Variants in LMO7 observed in about 807,000 individuals in gnomAD.
LMO7 encodes the protein LIM domain 7, also known as LIM domain only protein 7.
LMO7 carries 120 observed loss-of-function variants against 206.5 expected under a neutral mutation model. The ratio of observed to expected loss-of-function variants is 0.58; its 90% CI spans 0.50 to 0.68. The LOEUF (loss-of-function observed/expected upper bound fraction) is 0.68, where lower values mean the gene tolerates loss of function less well. LMO7 is among the 30% of genes least tolerant of loss of function. The pLI, the probability that LMO7 is intolerant of heterozygous loss-of-function variation, is 0.00. For synonymous variants in LMO7, 706 were observed against 681.5 expected, an observed-to-expected ratio of 1.04 and a Z score of -0.56; for missense variants, 1,959 against 1,957.9, an observed-to-expected ratio of 1.00 and a Z score of -0.01.
chr13:75,851,432 G>A (rs1334162954), intron 27 of LMO7, among the ~76,000 whole-genome samples: 1 of 152,204 alleles, frequency 6.6e-6, no homozygotes, highest in Non-Finnish European at 1.5e-5. Context: ...GGACACACAA[G>A]TAATGGTGGA....
intron 1 of LMO7, among the ~76,000 whole-genome samples, chr13:75,639,893 A>G (rs2036351463): frequency 6.6e-6 from 1 of 152,054 alleles, no homozygotes; most frequent in African/African-American, 2.4e-5. Flanking sequence ...TTTTTTCAGT[A>G]TTGCTGTCAC....
intron 3 of LMO7, among the ~76,000 whole-genome samples, chr13:75,753,917 G>C (rs1461382991): frequency 6.6e-6 from 1 of 152,106 alleles, no homozygotes; most frequent in African/African-American, 2.4e-5. Flanking sequence ...AAAATAATTT[G>C]AGACAGGTAC....
At chr13:75,652,474 G>A (rs2037674604) in intron 1 of LMO7, among the ~76,000 whole-genome samples, 1 of 152,106 alleles carries the variant, frequency 6.6e-6, no homozygotes, top group Admixed American at 6.6e-5. Context: ...CCAAAAGTTT[G>A]TGCAATGTTT....
At chr13:75,679,725 G>T (rs908048086) in intron 1 of LMO7, among the ~76,000 whole-genome samples, 4 of 152,128 alleles carry the variant, frequency 2.6e-5, no homozygotes, top group Non-Finnish European at 5.9e-5. Context: ...GGGACTGTAG[G>T]CATGTGCCAC....
At chr13:75,765,795 A>G (rs1238938333) in intron 4 of LMO7, among the ~76,000 whole-genome samples, 4 of 152,092 alleles carry the variant, frequency 2.6e-5, no homozygotes, top group African/African-American at 9.7e-5. Context: ...CTCCATTTCT[A>G]GTTCTTAATC....
chr13:75,640,085 A>G (rs9573598), intron 1 of LMO7, among the ~76,000 whole-genome samples: 4,540 of 17,576 alleles, frequency 0.26, 182 homozygotes, highest in African/African-American at 0.42. Context: ...GTAATTATAT[A>G]TAATTTCAAT....
At chr13:75,680,481 C>A (rs981508242) in intron 1 of LMO7, among the ~76,000 whole-genome samples, 7 of 152,174 alleles carry the variant, frequency 4.6e-5, no homozygotes, top group Non-Finnish European at 7.3e-5. Context: ...ACACTGTCTT[C>A]CACAGTGGTT....
intron 3 of LMO7, among the ~76,000 whole-genome samples, chr13:75,745,561 C>T (rs2046770269): frequency 6.6e-6 from 1 of 152,076 alleles, no homozygotes; most frequent in African/African-American, 2.4e-5. Context: ...CTTGACTGGG[C>T]CATAGGGTGC....
intron 1 of LMO7, among the ~76,000 whole-genome samples, chr13:75,712,482 C>G (rs2043199226): frequency 6.6e-6 from 1 of 152,166 alleles, no homozygotes; most frequent in Admixed American, 6.5e-5. Context: ...GAGAGAGAAT[C>G]TAGAGATTTT....
At chr13:75,665,143 T>C (rs1339642678) in intron 1 of LMO7, among the ~76,000 whole-genome samples, 1 of 152,164 alleles carries the variant, frequency 6.6e-6, no homozygotes, top group Non-Finnish European at 1.5e-5. Context: ...AGTTTTAAAT[T>C]TGTTCTCTTG....
chr13:75,849,168 G>C lies in LMO7; in HGVS notation c.4240G>C (p.Glu1414Gln), dbSNP rs761623095. ...KEQVPSGAEL[E>Q]RQQILQEMRK... Reference sequence around the variant, plus strand: ...ACAAGTACCATCAGGAGCAGAATTGGAGAGGCAACAAATCCTTCAGGAAAT... The same window carrying C: ...ACAAGTACCATCAGGAGCAGAATTGCAGAGGCAACAAATCCTTCAGGAAAT... The change falls in exon 27 of 31, where the codon GAG (glutamate) becomes CAG (glutamine). Residue 1414 changes from glutamate (E) to glutamine (Q), a missense_variant. Physicochemically the swap from Glu to Gln is conservative, Grantham distance 29. Coordinates refer to ENST00000377534, the MANE Select transcript of LMO7 (RefSeq NM_001306080.2). The C allele has an allele frequency of 6.2e-7, 1 of 1,613,920 alleles. No individual in the cohort carries two copies. Among genetic ancestry groups the C allele is most frequent in the Non-Finnish European group, 8.5e-7 (1 of 1,179,796 alleles).
chr13:75,766,414 A>G (rs2048893055), intron 4 of LMO7, among the ~76,000 whole-genome samples: 1 of 152,030 alleles, frequency 6.6e-6, no homozygotes, highest in Admixed American at 6.6e-5. Context: ...AGAAAATGGC[A>G]CTTCATCCAG....
chr13:75,796,647 A>G lies in LMO7; in HGVS notation c.360A>G (p.Thr120=), dbSNP rs758451086. Residue 120 remains threonine, a synonymous_variant, in exon 6 of 31, where the codon ACA becomes ACG. Transcript: ENST00000377534. The part of the protein sequence containing the change: ...TDRRVKNVLI[T]LYWLGRKAQS... Reference sequence around the variant, plus strand: ...TTTTTTTTTTTAAGGTTTTGATAACATTGTACTGGCTGGGAAGAAAAGCAC... The same window carrying G: ...TTTTTTTTTTTAAGGTTTTGATAACGTTGTACTGGCTGGGAAGAAAAGCAC... 15 of 1,607,740 alleles carry G rather than the reference A, an allele frequency of 9.3e-6. No homozygotes were observed. The highest frequency in any genetic ancestry group is 1.3e-5 in the Non-Finnish European group (15 of 1,175,646).
chr13:75,804,970 G>A, intron 8 of LMO7: 18 of 1,000,078 alleles, frequency 1.8e-5, no homozygotes, highest in Non-Finnish European at 2.1e-5. Context: ...TTTGAAAGTG[G>A]TTCGGACTCT....
At chr13:75,746,835 T>A (rs771350196) in intron 3 of LMO7, among the ~76,000 whole-genome samples, 3 of 152,158 alleles carry the variant, frequency 2.0e-5, no homozygotes, top group Non-Finnish European at 4.4e-5. Flanking sequence ...GTGGACCAGA[T>A]AACACCTTCT....
chr13:75,780,799 A>G (rs149131319), intron 4 of LMO7, among the ~76,000 whole-genome samples: 88 of 152,348 alleles, frequency 5.8e-4, no homozygotes, highest in African/African-American at 1.4e-3. Flanking sequence ...ATAAATGTCT[A>G]TGAATCTTCA....
chr13:75,820,672 T>A lies in LMO7; in HGVS notation c.2208-505T>A, dbSNP rs150033272. Among the ~76,000 whole-genome samples the A allele has an allele frequency of 7.0e-4, 106 of 152,338 alleles. No individual in the cohort carries two copies. The East Asian group carries it at 0.019, about 27-fold the overall frequency. On this transcript the variant is annotated intron_variant, in intron 13 of 30. Transcript: ENST00000377534. ...TTTAATTAAAGAAGTCAAGTTATTA[T>A]TCTTTCTTAGTTGGGACATTAAAGA...
intron 7 of LMO7, 36 bp from the exon 8 acceptor site, chr13:75,804,253 T>C (rs1308982528): frequency 6.3e-7 from 1 of 1,595,766 alleles, no homozygotes; most frequent in Non-Finnish European, 8.5e-7. Flanking sequence ...GCGAATAATC[T>C]GGAGAGTAAA....
intron 1 of LMO7, among the ~76,000 whole-genome samples, chr13:75,682,722 A>G (rs972835063): frequency 2.0e-5 from 3 of 152,120 alleles, no homozygotes; most frequent in Non-Finnish European, 2.9e-5. Flanking sequence ...AGTCCATTTC[A>G]TTGTTCATTT....
Sources: gnomAD v4.1 joint callset for allele counts (sites outside exome capture counted in the v4.1 genomes callset) on GRCh38, gnomAD v4.1.1 for gene constraint, MANE v1.5 for transcripts, NCBI Gene and HGNC (gene_info 2026-07-23, HGNC 2026-07-21) for gene names.